Variants in SPEN observed in about 807,000 individuals in gnomAD.
The protein encoded by SPEN is msx2-interacting protein.
SPEN carries 18 observed loss-of-function variants against 269.9 expected under a neutral mutation model. That is an observed-to-expected ratio of 0.07 (90% CI 0.05 to 0.10). The LOEUF is 0.10. SPEN is among the 10% of genes least tolerant of loss of function. The pLI, the probability that SPEN is intolerant of heterozygous loss-of-function variation, is 1.00. For missense variants in SPEN, 3,822 were observed against 4,631.2 expected (o/e 0.83, Z 5.07); for synonymous variants, 1,726 against 1,765.7 (o/e 0.98, Z 0.56).
chr1:15,929,268 G>C lies in SPEN; in HGVS notation c.3028G>C (p.Glu1010Gln). The change falls in exon 11 of 15, where the codon GAG becomes CAG. Residue 1010 changes from glutamate (E) to glutamine (Q), a missense_variant. Around this residue, in one of 16 missense-constraint regions of SPEN, gnomAD observed 572 missense variants for 582.6 expected, o/e 0.98. Transcript: ENST00000375759. The surrounding 1 kb of genome is among the most constrained non-coding windows in gnomAD (Gnocchi z 5.8). The part of the protein sequence containing the change: ...PEVKKSSPEM[E>Q]DARVLSKKQP... ...GGTCAAGAAAAGCAGTCCAGAGATG[G>C]AGGATGCTCGCGTGCTTTCAAAAAA... 6.2e-7 allele frequency: 1 copy of C among 1,614,174 alleles called. No homozygotes were observed. Among genetic ancestry groups the C allele is most frequent in the Non-Finnish European group, 8.5e-7 (1 of 1,180,036 alleles).
chr1:15,919,373 T>C, intron 7 of SPEN, 31 bp from the exon 8 acceptor site: 2 of 1,419,806 alleles, frequency 1.4e-6, no homozygotes, highest in South Asian at 2.6e-5. Context: ...TTGTGAACTT[T>C]ACTAATAGAA....
chr1:15,936,657 C>G (rs1228570276), intron 11 of SPEN, among the ~76,000 whole-genome samples: 2 of 107,336 alleles, frequency 1.9e-5, no homozygotes, highest in Non-Finnish European at 4.2e-5. Flanking sequence ...AAAAAAAAAG[C>G]CGGGCATAGT....
intron 10 of SPEN, among the ~76,000 whole-genome samples, chr1:15,926,286 A>G (rs905437269): frequency 6.6e-6 from 1 of 151,986 alleles, no homozygotes; most frequent in Non-Finnish European, 1.5e-5. Context: ...ATTCCCAGCT[A>G]CTTGTGGTGG....
chr1:15,880,765 CT>C (rs1426634305), intron 3 of SPEN, among the ~76,000 whole-genome samples: 1 of 151,986 alleles, frequency 6.6e-6, no homozygotes, highest in Non-Finnish European at 1.5e-5. Flanking sequence ...CCAATGATAG[CT>C]TTTGTATCTA....
At chr1:15,938,401 C>G (rs1187607806) in intron 13 of SPEN, among the ~76,000 whole-genome samples, 1 of 152,110 alleles carries the variant, frequency 6.6e-6, no homozygotes, top group African/African-American at 2.4e-5. Context: ...CAGGCCTGAG[C>G]CACTGTGCCT....
intron 3 of SPEN, among the ~76,000 whole-genome samples, chr1:15,895,839 C>T (rs1283162749): frequency 2.0e-5 from 3 of 151,760 alleles, no homozygotes; most frequent in African/African-American, 4.8e-5. Flanking sequence ...GCCACTGTGC[C>T]CAGCTAATTT....
chr1:15,865,893 G>A (rs2070501558), intron 1 of SPEN, among the ~76,000 whole-genome samples: 1 of 144,302 alleles, frequency 6.9e-6, no homozygotes, highest in African/African-American at 2.6e-5. Flanking sequence ...TTTTTTTGGA[G>A]ATGGAATCTC....
Position 15,939,301 on chromosome 1 carries a change from C to G in SPEN, c.10869C>G (p.Ala3623=), listed in dbSNP as rs1271250347. 4 of 1,588,146 alleles carry G rather than the reference C, an allele frequency of 2.5e-6. No homozygotes were observed. Among genetic ancestry groups the G allele is most frequent in the Non-Finnish European group, 2.6e-6 (3 of 1,166,602 alleles). The change falls in exon 15 of 15, where the codon GCC becomes GCG. Residue 3623 remains alanine, a synonymous_variant. Coordinates refer to ENST00000375759, the MANE Select transcript of SPEN (RefSeq NM_015001.3). This position sits in a 1 kb window ranked among gnomAD's most constrained non-coding sequence, Gnocchi z 4.1. ...NVPNPGSNQP[A]YVLQIFPPCE... ...GCTCTCTATCCTGTCTCCAGCCTGC[C>G]TACGTGCTGCAGATCTTCCCGCCCT...
intron 3 of SPEN, among the ~76,000 whole-genome samples, chr1:15,903,222 C>T (rs1050343173): frequency 1.4e-4 from 21 of 152,222 alleles, no homozygotes; most frequent in Non-Finnish European, 2.6e-4. Flanking sequence ...AGAATCCTAG[C>T]ATCCTATATT....
chr1:15,914,445 G>A (rs1338114176), intron 5 of SPEN, among the ~76,000 whole-genome samples: 1 of 152,162 alleles, frequency 6.6e-6, no homozygotes, highest in African/African-American at 2.4e-5. Flanking sequence ...AAAACCTTGA[G>A]CGTTCCTGCC....
chr1:15,877,901 T>C (rs185003656), intron 3 of SPEN, among the ~76,000 whole-genome samples: 2 of 151,906 alleles, frequency 1.3e-5, no homozygotes, highest in Admixed American at 6.6e-5. Flanking sequence ...CCCATCACCA[T>C]GCCAGGCCAA....
At position 15,934,645 on chromosome 1, in the gene SPEN, C is replaced by T. The variant is rs1275384688; in HGVS notation, c.8405C>T (p.Ser2802Leu). 10 of 1,613,978 alleles carry T rather than the reference C, an allele frequency of 6.2e-6. No homozygotes were observed. Among genetic ancestry groups the T allele is most frequent in the Non-Finnish European group, 8.5e-6 (10 of 1,179,864 alleles). ...GACGATCGTCCGGCAGACGCGGGCT[C>T]AGGGGCGGGGCTGCGTGTGAACACT... is the stretch of plus-strand genomic sequence containing the variant. ...VIDDRPADAG[S>L]GAGLRVNTSE... Residue 2802 changes from serine (S) to leucine (L), a missense_variant, in exon 11 of 15, where the codon TCA (serine) becomes TTA (leucine). Physicochemically the swap from Ser to Leu is moderately radical, Grantham distance 145. Coordinates refer to ENST00000375759, the MANE Select transcript of SPEN (RefSeq NM_015001.3). This position sits in a 1 kb window ranked among gnomAD's most constrained non-coding sequence, Gnocchi z 9.2.
intron 2 of SPEN, chr1:15,874,047 G>A (rs187607468): frequency 3.4e-4 from 436 of 1,263,988 alleles, no homozygotes; most frequent in Non-Finnish European, 4.2e-4. Flanking sequence ...TTCCTCATTC[G>A]TTGGAATTGT....
chr1:15,934,974 C>T lies in SPEN; in HGVS notation c.8734C>T (p.Pro2912Ser), dbSNP rs766025123. The T allele has an allele frequency of 1.9e-6, 3 of 1,614,000 alleles. No homozygotes were observed. Among genetic ancestry groups the T allele is most frequent in the Non-Finnish European group, 8.5e-7 (1 of 1,179,988 alleles). ...VKADRPSLEK[P>S]EPIHLSVSTP... ...GGCCGATAGGCCATCCTTGGAGAAG[C>T]CCGAGCCCATTCACCTCTCGGTGTC... The change falls in exon 11 of 15, where the codon CCC becomes TCC. Residue 2912 changes from proline to serine, a missense_variant. This residue lies in a region of SPEN where 329 missense variants were observed against 431.2 expected (regional missense o/e 0.76). Coordinates refer to ENST00000375759, the MANE Select transcript of SPEN (RefSeq NM_015001.3). The surrounding 1 kb of genome is among the most constrained non-coding windows in gnomAD (Gnocchi z 9.2).
chr1:15,893,571 T>A (rs934458793), intron 3 of SPEN, among the ~76,000 whole-genome samples: 4 of 152,182 alleles, frequency 2.6e-5, no homozygotes, highest in African/African-American at 9.6e-5. Flanking sequence ...GGTGCCTTTC[T>A]AACTCCTTGT....
At chr1:15,871,647 C>T (rs1040175230) in intron 1 of SPEN, among the ~76,000 whole-genome samples, 7 of 151,740 alleles carry the variant, frequency 4.6e-5, no homozygotes, top group Non-Finnish European at 1.0e-4. Flanking sequence ...GTTTTAACTC[C>T]CTGGAGAAAG....
chr1:15,936,528 G>T (rs2071276961), intron 11 of SPEN, among the ~76,000 whole-genome samples: 1 of 151,892 alleles, frequency 6.6e-6, no homozygotes, highest in African/African-American at 2.4e-5. Flanking sequence ...ACACACCTGT[G>T]GTTTCAGCTA....
At chr1:15,867,357 TC>T (rs961472263) in intron 1 of SPEN, among the ~76,000 whole-genome samples, 1 of 152,066 alleles carries the variant, frequency 6.6e-6, no homozygotes, top group Non-Finnish European at 1.5e-5. Flanking sequence ...GGGCATGCCC[TC>T]CCCCCTTTTA....
At chr1:15,880,530 A>G (rs2070677232) in intron 3 of SPEN, among the ~76,000 whole-genome samples, 1 of 137,780 alleles carries the variant, frequency 7.3e-6, no homozygotes. Context: ...ATCTTGGCTC[A>G]CTGCAACCTC....
Sources: allele counts gnomAD v4.1 joint callset (sites outside exome capture counted in the v4.1 genomes callset), GRCh38; gene constraint gnomAD v4.1.1; regional missense constraint gnomAD v4.1.1; non-coding constraint Gnocchi (gnomAD v3.1); transcripts MANE v1.5; gene names NCBI Gene and HGNC (gene_info 2026-07-23, HGNC 2026-07-21).